Variants in LRRC4C observed in about 807,000 individuals in gnomAD.
LRRC4C encodes leucine-rich repeat-containing protein 4C.
A neutral mutation model predicts 33.6 loss-of-function variants in LRRC4C; 5 were observed. The observed-to-expected ratio is 0.15, with a 90% CI of 0.08 to 0.31. The LOEUF (loss-of-function observed/expected upper bound fraction) is 0.31, where lower values mean the gene tolerates loss of function less well. LRRC4C is among the 10% of genes least tolerant of loss of function. LRRC4C has a pLI of 1.00. For missense variants in LRRC4C, 560 were observed against 796.7 expected (o/e 0.70, Z 3.58); for synonymous variants, 329 against 302.0 (o/e 1.09, Z -0.93).
At chr11:40,815,569 A>G (rs1480466693) in intron 2 of LRRC4C, among the ~76,000 whole-genome samples, 1 of 152,142 alleles carries the variant, frequency 6.6e-6, no homozygotes, top group Non-Finnish European at 1.5e-5. Flanking sequence ...AAGTCACCTT[A>G]TTCTACCACC....
At chr11:40,450,097 T>G (rs1175525016) in intron 3 of LRRC4C, among the ~76,000 whole-genome samples, 1 of 152,182 alleles carries the variant, frequency 6.6e-6, no homozygotes, top group African/African-American at 2.4e-5. Context: ...ATTGTTATTA[T>G]AGCAATCCCT....
intron 2 of LRRC4C, among the ~76,000 whole-genome samples, chr11:40,718,091 T>C (rs1357980175): frequency 6.6e-6 from 1 of 152,222 alleles, no homozygotes; most frequent in Non-Finnish European, 1.5e-5. Context: ...CTTTATCCTT[T>C]AGATTCCATC....
chr11:40,253,510 A>AACTGTAAAATGAGCG (rs1565190315), intron 4 of LRRC4C, among the ~76,000 whole-genome samples: 1 of 152,070 alleles, frequency 6.6e-6, no homozygotes, highest in East Asian at 1.9e-4. Context: ...TAAAATGAGC[A>AACTGTAAAATGAGCG]TAACAGTAAC....
chr11:40,696,732 C>CATATATATACACTGTGTATATATATAT (rs1945556853), intron 2 of LRRC4C, among the ~76,000 whole-genome samples: 2 of 106,086 alleles, frequency 1.9e-5, no homozygotes, highest in African/African-American at 7.0e-5. Context: ...TGTCTCTGTG[C>CATATATATACACTGTGTATATATATAT]ATATATATAC....
chr11:40,761,404 C>T (rs990585105), intron 2 of LRRC4C, among the ~76,000 whole-genome samples: 27 of 152,230 alleles, frequency 1.8e-4, no homozygotes, highest in African/African-American at 6.5e-4. Flanking sequence ...GAGCAAGCCA[C>T]TTAATGAGTT....
chr11:41,150,890 C>T (rs1943964986), intron 1 of LRRC4C, among the ~76,000 whole-genome samples: 2 of 151,956 alleles, frequency 1.3e-5, no homozygotes, highest in South Asian at 4.2e-4. Context: ...TCAAAAGAGA[C>T]AGAGAAAACA....
At chr11:40,417,846 G>A (rs928595225) in intron 3 of LRRC4C, among the ~76,000 whole-genome samples, 2 of 152,122 alleles carry the variant, frequency 1.3e-5, no homozygotes, top group Non-Finnish European at 2.9e-5. Context: ...ATGGGTTAGG[G>A]TTTATCTGCT....
At chr11:41,425,037 A>G (rs2138360828) in intron 1 of LRRC4C, among the ~76,000 whole-genome samples, 1 of 152,246 alleles carries the variant, frequency 6.6e-6, no homozygotes, top group Non-Finnish European at 1.5e-5. Context: ...ATTGAAGTCT[A>G]GATTTCAAAA....
At chr11:40,309,734 T>C (rs1945209655) in intron 4 of LRRC4C, among the ~76,000 whole-genome samples, 1 of 152,146 alleles carries the variant, frequency 6.6e-6, no homozygotes, top group Non-Finnish European at 1.5e-5. Context: ...CTCAAACTCC[T>C]GAGCTTAAGC....
At chr11:40,640,943 G>C (rs970340231) in intron 3 of LRRC4C, among the ~76,000 whole-genome samples, 1 of 150,848 alleles carries the variant, frequency 6.6e-6, no homozygotes, top group African/African-American at 2.4e-5. Context: ...GTGAACCTGG[G>C]AGGCGGAGCT....
intron 3 of LRRC4C, among the ~76,000 whole-genome samples, chr11:40,354,696 T>G (rs1321727819): frequency 6.6e-6 from 1 of 152,064 alleles, no homozygotes; most frequent in Non-Finnish European, 1.5e-5. Flanking sequence ...CAGCTTGTCA[T>G]GAATGCTGCT....
intron 2 of LRRC4C, among the ~76,000 whole-genome samples, chr11:40,784,670 G>A (rs1950339241): frequency 6.6e-6 from 1 of 152,160 alleles, no homozygotes; most frequent in South Asian, 2.1e-4. Context: ...TTTAAATAAA[G>A]TGAATTAATT....
chr11:40,595,911 C>T lies in LRRC4C; in HGVS notation c.-270+52231G>A, dbSNP rs12278621. On this transcript the variant is annotated intron_variant, in intron 3 of 6. Coordinates refer to ENST00000528697, the MANE Select transcript of LRRC4C (RefSeq NM_001258419.2). ...GCTGGGGGAAAGAAGTCTATAGCGA[C>T]GGGGTAGTACTTGAAAAACTAAGAT... Among the ~76,000 whole-genome samples, 6 of 151,974 alleles carry T rather than the reference C, an allele frequency of 3.9e-5. No individual in the cohort carries two copies. The East Asian group carries it at 5.8e-4, about 15-fold the overall frequency.
At chr11:40,831,666 A>G (rs1952416859) in intron 2 of LRRC4C, among the ~76,000 whole-genome samples, 1 of 152,142 alleles carries the variant, frequency 6.6e-6, no homozygotes, top group Non-Finnish European at 1.5e-5. Flanking sequence ...ACTCAGTTCT[A>G]CATGGCTGCA....
intron 1 of LRRC4C, among the ~76,000 whole-genome samples, chr11:41,274,266 T>A (rs1406046815): frequency 1.3e-5 from 2 of 152,118 alleles, no homozygotes; most frequent in Non-Finnish European, 2.9e-5. Flanking sequence ...TGGTTCTGAA[T>A]AGTGGAGTGA....
intron 1 of LRRC4C, among the ~76,000 whole-genome samples, chr11:41,193,081 A>T (rs1946032132): frequency 6.6e-6 from 1 of 152,126 alleles, no homozygotes; most frequent in African/African-American, 2.4e-5. Context: ...GACTGCCCTT[A>T]TCTATAAAGT....
At chr11:40,188,014 A>T (rs1861545763) in intron 5 of LRRC4C, among the ~76,000 whole-genome samples, 1 of 152,102 alleles carries the variant, frequency 6.6e-6, no homozygotes, top group Non-Finnish European at 1.5e-5. Context: ...ATGTTTAAAG[A>T]TCTACTGTTT....
chr11:40,226,862 T>A (rs556724285), intron 5 of LRRC4C, among the ~76,000 whole-genome samples: 1 of 152,356 alleles, frequency 6.6e-6, no homozygotes, highest in East Asian at 1.9e-4. Context: ...GTTATTTAAA[T>A]GCCTGTTAGC....
chr11:40,314,037 C>T (rs1945457895), intron 4 of LRRC4C, among the ~76,000 whole-genome samples: 1 of 151,524 alleles, frequency 6.6e-6, no homozygotes, highest in South Asian at 2.1e-4. Flanking sequence ...TTTGCACAGC[C>T]AAGGAAACAA....
Sources: allele counts gnomAD v4.1 joint callset (sites outside exome capture counted in the v4.1 genomes callset), GRCh38; gene constraint gnomAD v4.1.1; transcripts MANE v1.5; gene names NCBI Gene and HGNC (gene_info 2026-07-23, HGNC 2026-07-21).